PDE6C: variants seen among roughly 807,000 people sequenced by gnomAD.
The protein encoded by PDE6C is phosphodiesterase 6C.
A neutral mutation model predicts 113.1 loss-of-function variants in PDE6C; 75 were observed. That is an observed-to-expected ratio of 0.66 (90% confidence interval 0.55 to 0.80). PDE6C has a LOEUF of 0.80. Ranked by LOEUF, PDE6C falls within the 30% of genes least tolerant of loss-of-function variation. PDE6C has a pLI of 0.00. For missense variants in PDE6C, 912 were observed against 1,038.6 expected, an observed-to-expected ratio of 0.88 and a Z score of 1.67; for synonymous variants, 375 against 363.7, an observed-to-expected ratio of 1.03 and a Z score of -0.35.
intron 15 of PDE6C, among the ~76,000 whole-genome samples, chr10:93,648,909 C>T (rs1195257244): frequency 2.6e-5 from 4 of 152,142 alleles, no homozygotes; most frequent in Non-Finnish European, 4.4e-5. Context: ...CCCCATTTTA[C>T]ACATAGAAAT....
intron 18 of PDE6C, among the ~76,000 whole-genome samples, chr10:93,661,492 G>A (rs10748607): frequency 0.26 from 39,232 of 151,972 alleles, 5,542 homozygotes; most frequent in African/African-American, 0.37. Flanking sequence ...GACTGTCTTC[G>A]CTAGACTCTG....
intron 18 of PDE6C, among the ~76,000 whole-genome samples, chr10:93,660,562 G>A (rs1221177444): frequency 1.3e-5 from 2 of 151,986 alleles, no homozygotes; most frequent in African/African-American, 2.4e-5. Flanking sequence ...GGAGAAGGTC[G>A]GGGGAAGGTG....
intron 15 of PDE6C, among the ~76,000 whole-genome samples, chr10:93,651,399 T>C (rs1346975933): frequency 6.6e-6 from 1 of 152,142 alleles, no homozygotes; most frequent in Non-Finnish European, 1.5e-5. Context: ...AAACTTACAA[T>C]CATGGCTGAA....
At chr10:93,654,532 G>A (rs2133874184) in intron 15 of PDE6C, among the ~76,000 whole-genome samples, 1 of 152,264 alleles carries the variant, frequency 6.6e-6, no homozygotes, top group East Asian at 1.9e-4. Flanking sequence ...TTATTATTTG[G>A]TGTTCAGGAC....
intron 14 of PDE6C, among the ~76,000 whole-genome samples, chr10:93,644,116 TC>T (rs1222837400): frequency 1.3e-5 from 2 of 152,220 alleles, no homozygotes; most frequent in Non-Finnish European, 2.9e-5. Context: ...ATTAATAAAT[TC>T]AGACTAAACA....
chr10:93,636,368 T>TGTGTGTGTGTG (rs373109205), intron 10 of PDE6C, among the ~76,000 whole-genome samples: 53 of 141,358 alleles, frequency 3.7e-4, no homozygotes, highest in African/African-American at 7.3e-4. Context: ...TTCCCTGGCT[T>TGTGTGTGTGTG]TGTGTGTGTG....
At position 93,665,505 on chromosome 10, in the gene PDE6C, C is replaced by T. The variant is rs540915530; in HGVS notation, c.*87C>T. On this transcript the variant is annotated 3_prime_UTR_variant, in exon 22 of 22. Coordinates refer to ENST00000371447, the MANE Select transcript of PDE6C (RefSeq NM_006204.4). ...TCAAAAGAACTTCAACAAATCATCA[C>T]GTAACAGGATCTTCAGAAAAACTAC... 6.8e-5 allele frequency: 61 copies of T among 899,084 alleles called. 2 individuals are homozygous for T. The highest frequency in any genetic ancestry group is 5.9e-4 in the South Asian group (44 of 74,752). 55.7% of individuals were successfully genotyped at this position (899,084 alleles called of 1,614,324 possible). A position where few individuals can be genotyped will look rare whatever the true frequency, so the allele number is the denominator to read the frequency against.
At chr10:93,646,447 A>G (rs190841030) in intron 15 of PDE6C, among the ~76,000 whole-genome samples, 12 of 152,320 alleles carry the variant, frequency 7.9e-5, no homozygotes, top group African/African-American at 2.2e-4. Context: ...TCAAGCTTTC[A>G]TAGTGGAGTG....
Position 93,665,624 on chromosome 10 carries a change from AC to A in PDE6C, c.*207del. 1 of 566,246 alleles carries A rather than the reference AC, an allele frequency of 1.8e-6. No individual in the cohort carries two copies. Among genetic ancestry groups the A allele is most frequent in the Non-Finnish European group, 3.1e-6 (1 of 318,692 alleles). 35.1% of individuals were successfully genotyped at this position (566,246 alleles called of 1,614,324 possible). ...AGTGCAAAATATGACAAAAATAGGT[AC>A]ATTTTTGGTGCCAATTTATTTTAAA... On this transcript the variant is annotated 3_prime_UTR_variant, in exon 22 of 22. Coordinates refer to ENST00000371447, the MANE Select transcript of PDE6C (RefSeq NM_006204.4).
chr10:93,649,165 T>C (rs1473374172), intron 15 of PDE6C, among the ~76,000 whole-genome samples: 1 of 152,186 alleles, frequency 6.6e-6, no homozygotes, highest in Non-Finnish European at 1.5e-5. Context: ...AAAAAGATTC[T>C]TTCCGTGAGC....
chr10:93,654,772 TTCTTTCTTTC>T (rs758127367), intron 15 of PDE6C, among the ~76,000 whole-genome samples: 3 of 49,852 alleles, frequency 6.0e-5, no homozygotes, highest in Non-Finnish European at 1.2e-4. Flanking sequence ...CTTTCTTTCT[TTCTTTCTTTC>T]TTTCTTTCTT....
intron 12 of PDE6C, 42 bp from the exon 13 acceptor site, chr10:93,640,408 A>G (rs2058553616): frequency 2.0e-6 from 3 of 1,464,084 alleles, no homozygotes; most frequent in Non-Finnish European, 2.9e-6. Context: ...TCTAACCTTT[A>G]GAATTCTATT....
intron 8 of PDE6C, 105 bp downstream of exon 8, chr10:93,629,410 C>A: frequency 1.2e-6 from 1 of 862,142 alleles, no homozygotes; most frequent in Non-Finnish European, 2.0e-6. Context: ...TCAGGTGTGG[C>A]CACAGGCACA....
At chr10:93,636,397 T>TG (rs1468307372) in intron 10 of PDE6C, among the ~76,000 whole-genome samples, 1 of 151,446 alleles carries the variant, frequency 6.6e-6, no homozygotes, top group African/African-American at 2.4e-5. Context: ...TGTGTGTGTG[T>TG]GTGTGTGTGT....
Position 93,655,610 on chromosome 10 carries a change from CAAAAAAAA to C in PDE6C, c.1936-139_1936-132del. On this transcript the variant is annotated intron_variant, in intron 15 of 21. Transcript: ENST00000371447. ...CATGAGATAAAAACTAAAAGCAAGC[CAAAAAAAA>C]AAAAAAAAAAGGAAGGAAAACAAAA... 24 of 331,796 alleles carry C rather than the reference CAAAAAAAA, an allele frequency of 7.2e-5. 1 individual carries two copies. The highest frequency in any genetic ancestry group is 1.9e-4 in the South Asian group (8 of 41,262). 20.6% of individuals were successfully genotyped at this position (331,796 alleles called of 1,614,324 possible).
chr10:93,640,373 T>C lies in PDE6C; in HGVS notation c.1630-77T>C. On this transcript the variant is annotated intron_variant, in intron 12 of 21. Coordinates refer to ENST00000371447, the MANE Select transcript of PDE6C (RefSeq NM_006204.4). ...CCCTATCTACAAGACCAACACATCT[T>C]TTTAGATAAGATTGCCACAGACCTT... 2.3e-6 allele frequency: 3 copies of C among 1,296,204 alleles called. No homozygotes were observed. In the South Asian group the frequency reaches 3.5e-5, roughly 15 times the overall value. 80.3% of individuals were successfully genotyped at this position (1,296,204 alleles called of 1,614,324 possible).
chr10:93,622,639 G>GTTTTTTTTTTTTTTTTTTTTTTT lies in PDE6C; in HGVS notation c.864+577_864+578insTTTTTTTTTTTTTTTTTTTTTTT, dbSNP rs67350128. On this transcript the variant is annotated intron_variant, in intron 4 of 21. Coordinates refer to ENST00000371447, the MANE Select transcript of PDE6C (RefSeq NM_006204.4). ...CCTTCCAAACTCCTGGTAGCCACAGGTTTTTTTTTTGTTTTTTTTTTTGTT... is the reference window on the plus strand; with the variant it reads ...CCTTCCAAACTCCTGGTAGCCACAGGTTTTTTTTTTTTTTTTTTTTTTTTTTTTTTTTTGTTTTTTTTTTTGTT... Among the ~76,000 whole-genome samples, 14 of 113,990 alleles carry GTTTTTTTTTTTTTTTTTTTTTTT rather than the reference G, an allele frequency of 1.2e-4. 2 individuals carry two copies. The highest frequency in any genetic ancestry group is 5.2e-4 in the African/African-American group (14 of 26,760). 74.8% of individuals were successfully genotyped at this position (113,990 alleles called of 152,430 possible).
chr10:93,649,870 G>A (rs1032277684), intron 15 of PDE6C, among the ~76,000 whole-genome samples: 1 of 152,162 alleles, frequency 6.6e-6, no homozygotes, highest in African/African-American at 2.4e-5. Context: ...CTCCCAAAGT[G>A]CTGGGATTAC....
intron 11 of PDE6C, 144 bp downstream of exon 11, chr10:93,637,207 C>T (rs1165531564): frequency 1.9e-5 from 12 of 645,072 alleles, no homozygotes; most frequent in Non-Finnish European, 3.1e-5. Context: ...AGAAAGAATT[C>T]TTCTAAAGAT....
Sources: gnomAD v4.1 joint callset for allele counts (sites outside exome capture counted in the v4.1 genomes callset) on GRCh38, gnomAD v4.1.1 for gene constraint, MANE v1.5 for transcripts, NCBI Gene and HGNC (gene_info 2026-07-23, HGNC 2026-07-21) for gene names.